The following TSPO variants were observed in gnomAD, a reference collection of about 807,000 sequenced individuals.
The protein encoded by TSPO is translocator protein, also known as benzodiazepine peripheral binding site.
Under a neutral mutation model 13.9 loss-of-function variants are expected in TSPO, and 14 were observed. The ratio of observed to expected loss-of-function variants is 1.01; its 90% confidence interval spans 0.67 to 1.58. The LOEUF (loss-of-function observed/expected upper bound fraction) is 1.58, where lower values mean the gene tolerates loss of function less well. Among genes scored for constraint, TSPO ranks in the 40% most tolerant of loss-of-function variants. The pLI is 0.00. For missense variants in TSPO, 232 were observed against 229.6 expected (o/e 1.01, Z -0.07); for synonymous variants, 114 against 105.9 (o/e 1.08, Z -0.47).
At chr22:43,157,454 G>A (rs138912) in intron 1 of TSPO, among the ~76,000 whole-genome samples, 1 of 152,128 alleles carries the variant, frequency 6.6e-6, no homozygotes, top group Non-Finnish European at 1.5e-5. Context: ...CCATTCAACA[G>A]GCGAGAAAAC....
At chr22:43,160,849 G>C (rs544376621) in intron 2 of TSPO, among the ~76,000 whole-genome samples, 85 of 152,288 alleles carry the variant, frequency 5.6e-4, no homozygotes, top group African/African-American at 2.0e-3. Flanking sequence ...GCTGGGTATC[G>C]CATGAAGCAC....
At chr22:43,151,942 C>G (rs1407680622) in intron 1 of TSPO, 1 of 152,288 alleles carries the variant, frequency 6.6e-6, no homozygotes, top group Non-Finnish European at 1.5e-5. Flanking sequence ...CCTCTCCTGC[C>G]CATTCCGCGG....
At chr22:43,154,514 A>T (rs754009783) in intron 1 of TSPO, among the ~76,000 whole-genome samples, 2 of 149,870 alleles carry the variant, frequency 1.3e-5, no homozygotes, top group Non-Finnish European at 3.0e-5. Flanking sequence ...GTGCGCCACC[A>T]CACCAGGCTA....
At chr22:43,157,000 C>T (rs1931270916) in intron 1 of TSPO, among the ~76,000 whole-genome samples, 1 of 152,190 alleles carries the variant, frequency 6.6e-6, no homozygotes, top group Admixed American at 6.5e-5. Flanking sequence ...CAGCTGTGGA[C>T]TCACGCAGGC....
At chr22:43,160,116 C>T (rs926398503) in intron 2 of TSPO, among the ~76,000 whole-genome samples, 4 of 152,142 alleles carry the variant, frequency 2.6e-5, no homozygotes, top group East Asian at 3.9e-4. Flanking sequence ...GCCAGGTGCC[C>T]GGCTCTGATG....
At chr22:43,155,764 C>A (rs1931231903) in intron 1 of TSPO, among the ~76,000 whole-genome samples, 1 of 152,170 alleles carries the variant, frequency 6.6e-6, no homozygotes, top group Non-Finnish European at 1.5e-5. Flanking sequence ...GATCCCGATT[C>A]GCTTTCTGAA....
At chr22:43,162,610 G>C (rs1028567044) in intron 3 of TSPO, among the ~76,000 whole-genome samples, 193 bp from the exon 4 acceptor site, 2 of 152,204 alleles carry the variant, frequency 1.3e-5, no homozygotes, top group African/African-American at 2.4e-5. Flanking sequence ...CAGGTGGCAT[G>C]ACTGTTCCCA....
At chr22:43,161,246 T>C in intron 3 of TSPO, 56 bp downstream of exon 3, 1 of 1,572,406 alleles carries the variant, frequency 6.4e-7, no homozygotes, top group African/African-American at 1.4e-5. Context: ...TTGGAGGACG[T>C]GGGGCATCAC....
At chr22:43,158,634 G>A (rs1054279778) in intron 1 of TSPO, among the ~76,000 whole-genome samples, 23 of 152,170 alleles carry the variant, frequency 1.5e-4, no homozygotes, top group African/African-American at 5.1e-4. Flanking sequence ...AAACAGCTGT[G>A]TAGAGACCTT....
chr22:43,163,158 C>A lies in TSPO; in HGVS notation c.*167C>A. The stretch of plus-strand genomic sequence containing the variant: ...CCCCACCTGAGCCCCCACCCGGGAG[C>A]AGTGTCCTGTGCTTTCTGCATGCTT... On this transcript the variant is annotated 3_prime_UTR_variant, in exon 4 of 4. Coordinates refer to ENST00000337554, the MANE Select transcript of TSPO (RefSeq NM_000714.6). 3.4e-6 allele frequency: 5 copies of A among 1,455,518 alleles called. No individual in the cohort carries two copies. Among genetic ancestry groups the A allele is most frequent in the Non-Finnish European group, 4.5e-6 (5 of 1,107,096 alleles). 90.2% of individuals were successfully genotyped at this position (1,455,518 alleles called of 1,614,324 possible).
rs879726178 is a variant in TSPO at position 43,161,493 on chromosome 22, C to CT, written c.321+315dup. On this transcript the variant is annotated intron_variant, in intron 3 of 3. Coordinates refer to ENST00000337554, the MANE Select transcript of TSPO (RefSeq NM_000714.6). ...TGGCCCCTCTACATAACAGCTTCTT[C>CT]TTTTTTTTTTTTGAGACAGAGTCTC... 5.4e-4 allele frequency among the ~76,000 whole-genome samples: 79 copies of CT among 146,472 alleles called. No individual in the cohort carries two copies. In the Middle Eastern group the frequency reaches 0.011, roughly 20 times the overall value.
At chr22:43,162,768 A>G in intron 3 of TSPO, 35 bp from the exon 4 acceptor site, 1 of 1,510,500 alleles carries the variant, frequency 6.6e-7, no homozygotes, top group Non-Finnish European at 8.9e-7. Flanking sequence ...GCGGTGCCTC[A>G]GGCCTCCCCA....
At chr22:43,154,386 T>TCTTG (rs1931187264) in intron 1 of TSPO, among the ~76,000 whole-genome samples, 1 of 151,750 alleles carries the variant, frequency 6.6e-6, no homozygotes, top group Non-Finnish European at 1.5e-5. Context: ...TGAGACAGAG[T>TCTTG]CTTGCTCTGT....
rs956965460 is a variant in TSPO at position 43,163,242 on chromosome 22, A to G, written c.*251A>G. 42 of 1,200,366 alleles carry G rather than the reference A, an allele frequency of 3.5e-5. No individual in the cohort carries two copies. The highest frequency in any genetic ancestry group is 4.2e-5 in the Non-Finnish European group (38 of 899,938). 74.4% of individuals were successfully genotyped at this position (1,200,366 alleles called of 1,614,324 possible). ...CTGAATAAAGTTTTTGACTTCCTTT[A>G]CCATGGCCTTTTTGCTTGGGTGGGA... On this transcript the variant is annotated 3_prime_UTR_variant, in exon 4 of 4. Coordinates refer to ENST00000337554, the MANE Select transcript of TSPO (RefSeq NM_000714.6).
chr22:43,162,654 G>A, intron 3 of TSPO, 149 bp from the exon 4 acceptor site: 1 of 738,962 alleles, frequency 1.4e-6, no homozygotes, highest in Non-Finnish European at 2.2e-6. Flanking sequence ...CTGCGATGGG[G>A]GAGGGGCTTG....
At chr22:43,159,647 C>A (rs9333334) in intron 2 of TSPO, 8,651 of 449,440 alleles carry the variant, frequency 0.019, 635 homozygotes, top group African/African-American at 0.16. Context: ...ACCCTGGCAT[C>A]CCCGCCATGT....
intron 2 of TSPO, among the ~76,000 whole-genome samples, chr22:43,160,177 C>T (rs1366827599): frequency 6.6e-6 from 1 of 152,142 alleles, no homozygotes; most frequent in African/African-American, 2.4e-5. Flanking sequence ...CCCTCCTGGC[C>T]CAGGCCCTGC....
At chr22:43,153,216 C>A (rs1931143290) in intron 1 of TSPO, among the ~76,000 whole-genome samples, 1 of 151,396 alleles carries the variant, frequency 6.6e-6, no homozygotes, top group African/African-American at 2.4e-5. Context: ...TGCAGTGATG[C>A]AATCATAGCT....
chr22:43,158,432 CCT>C (rs1340612779), intron 1 of TSPO, among the ~76,000 whole-genome samples: 1 of 152,132 alleles, frequency 6.6e-6, no homozygotes, highest in Non-Finnish European at 1.5e-5. Flanking sequence ...GCAGACGACT[CCT>C]GATTCTCCAC....
Sources: gnomAD v4.1 joint callset for allele counts (sites outside exome capture counted in the v4.1 genomes callset) on GRCh38, gnomAD v4.1.1 for gene constraint, MANE v1.5 for transcripts, NCBI Gene and HGNC (gene_info 2026-07-23, HGNC 2026-07-21) for gene names.